The following ASIC2 variants were observed in gnomAD, a reference collection of about 807,000 sequenced individuals.
ASIC2 encodes acid sensing ion channel subunit 2, also known as acid-sensing ion channel 2.
A neutral mutation model predicts 57.3 loss-of-function variants in ASIC2; 25 were observed. That is an observed-to-expected ratio of 0.44 (90% CI 0.32 to 0.61). The LOEUF (loss-of-function observed/expected upper bound fraction) is 0.61, where lower values mean the gene tolerates loss of function less well. ASIC2 is among the 20% of genes least tolerant of loss of function. The pLI, the probability that ASIC2 is intolerant of heterozygous loss-of-function variation, is 0.06. For missense variants in ASIC2, 641 were observed against 738.1 expected (o/e 0.87, Z 1.52); for synonymous variants, 319 against 307.5 (o/e 1.04, Z -0.39).
chr17:34,006,156 A>G (rs1412437304), intron 1 of ASIC2: 2 of 152,282 alleles, frequency 1.3e-5, no homozygotes, highest in African/African-American at 4.8e-5. Flanking sequence ...GAAGGGGATT[A>G]CTTAGGATTC....
chr17:33,218,686 C>T (rs1272392047), intron 1 of ASIC2, among the ~76,000 whole-genome samples: 1 of 152,146 alleles, frequency 6.6e-6, no homozygotes, highest in African/African-American at 2.4e-5. Flanking sequence ...CAGCAGCATG[C>T]CTCACACACA....
intron 1 of ASIC2, among the ~76,000 whole-genome samples, chr17:33,982,756 A>G (rs1399999112): frequency 6.6e-6 from 1 of 152,236 alleles, no homozygotes; most frequent in Non-Finnish European, 1.5e-5. Flanking sequence ...AGTGAAAATC[A>G]GACATACTCG....
At chr17:33,946,280 T>G (rs929394313) in intron 1 of ASIC2, among the ~76,000 whole-genome samples, 2 of 152,014 alleles carry the variant, frequency 1.3e-5, no homozygotes, top group Non-Finnish European at 2.9e-5. Context: ...CTTGTCATCT[T>G]ACCATGGGTG....
intron 1 of ASIC2, among the ~76,000 whole-genome samples, chr17:33,334,783 T>C (rs928647646): frequency 6.6e-6 from 1 of 152,212 alleles, no homozygotes; most frequent in Non-Finnish European, 1.5e-5. Context: ...AAGGGTCCTG[T>C]GTATTCCACA....
intron 1 of ASIC2, among the ~76,000 whole-genome samples, chr17:33,887,251 T>C (rs901994613): frequency 5.9e-5 from 9 of 152,194 alleles, no homozygotes; most frequent in African/African-American, 2.2e-4. Flanking sequence ...TACTGCTACG[T>C]ACCAGAACAG....
intron 1 of ASIC2, among the ~76,000 whole-genome samples, chr17:33,953,840 T>C (rs1871720135): frequency 3.3e-5 from 5 of 152,028 alleles, no homozygotes; most frequent in Admixed American, 3.3e-4. Flanking sequence ...AATAAGTATA[T>C]TAAGAGGAAG....
At position 33,657,198 on chromosome 17, in the gene ASIC2, A is replaced by C. The variant is rs75718796; in HGVS notation, c.555+498780T>G. 1.2e-4 allele frequency among the ~76,000 whole-genome samples: 19 copies of C among 152,298 alleles called. No individual in the cohort carries two copies. The East Asian group carries it at 2.5e-3, about 20-fold the overall frequency. On this transcript the variant is annotated intron_variant, in intron 1 of 9. Transcript: ENST00000359872. ...TGCTGGGAATCCCTACTGGGCACAC[A>C]CAACCCAGTCTACAAGATAGAGTGG...
At chr17:33,560,798 ACG>A (rs1916049363) in intron 1 of ASIC2, among the ~76,000 whole-genome samples, 1 of 152,136 alleles carries the variant, frequency 6.6e-6, no homozygotes, top group South Asian at 2.1e-4. Flanking sequence ...ATAACTCCAT[ACG>A]TTAGGATCTA....
intron 1 of ASIC2, among the ~76,000 whole-genome samples, chr17:33,589,311 G>A (rs1354256858): frequency 6.6e-6 from 1 of 152,164 alleles, no homozygotes; most frequent in Admixed American, 6.5e-5. Context: ...AGAAGGCCAT[G>A]AGCCCCCTGA....
At chr17:33,501,773 A>C (rs58531174) in intron 1 of ASIC2, among the ~76,000 whole-genome samples, 11 of 152,106 alleles carry the variant, frequency 7.2e-5, no homozygotes, top group Non-Finnish European at 1.5e-4. Flanking sequence ...CTTCCTTTTC[A>C]TAAAAGGCCA....
intron 1 of ASIC2, among the ~76,000 whole-genome samples, chr17:33,204,312 G>C (rs541679772): frequency 1.2e-4 from 19 of 152,180 alleles, no homozygotes; most frequent in African/African-American, 7.2e-5. Flanking sequence ...TTACCTGCAG[G>C]CTCAGCCCAT....
rs956752445 is a variant in ASIC2 at position 33,605,611 on chromosome 17, TA to T, written c.556-493545del. Among the ~76,000 whole-genome samples the T allele has an allele frequency of 7.8e-4, 119 of 152,188 alleles. 1 individual carries two copies. The highest frequency in any genetic ancestry group is 2.5e-3 in the African/African-American group (105 of 41,480). ...TTCCATGTGTTGAAAGCTACCTTTT[TA>T]AAAAAAGAAATATGAAATTATGGGG... On this transcript the variant is annotated intron_variant, in intron 1 of 9. Coordinates refer to the ASIC2 transcript ENST00000359872.
In ASIC2 at chr17:33,443,932, C is replaced by A. The variant is rs1277227152; in HGVS notation, c.556-331865G>T. ...TATTTTAGCCTAGCTTTCTGGGAGCCACTCCCATTCCTACCCAGCACTTGC... is the reference window on the plus strand; with the variant it reads ...TATTTTAGCCTAGCTTTCTGGGAGCAACTCCCATTCCTACCCAGCACTTGC... On this transcript the variant is annotated intron_variant, in intron 1 of 9. Coordinates refer to the ASIC2 transcript ENST00000359872. Among the ~76,000 whole-genome samples, 5 of 152,104 alleles carry A rather than the reference C, an allele frequency of 3.3e-5. No individual in the cohort carries two copies. The East Asian group carries it at 9.6e-4, about 29-fold the overall frequency.
intron 1 of ASIC2, among the ~76,000 whole-genome samples, chr17:34,063,791 T>C (rs919270073): frequency 1.3e-5 from 2 of 151,772 alleles, no homozygotes; most frequent in Non-Finnish European, 2.9e-5. Flanking sequence ...AATAAATAAA[T>C]AAAAGACTTA....
intron 1 of ASIC2, among the ~76,000 whole-genome samples, chr17:33,703,572 C>T (rs1393228452): frequency 6.6e-6 from 1 of 152,110 alleles, no homozygotes; most frequent in African/African-American, 2.4e-5. Context: ...AGGCTGCTCT[C>T]AAACTCCTGA....
intron 1 of ASIC2, among the ~76,000 whole-genome samples, chr17:33,382,445 C>A (rs1909522600): frequency 6.6e-6 from 1 of 152,164 alleles, no homozygotes; most frequent in Non-Finnish European, 1.5e-5. Flanking sequence ...AAATGGCCTT[C>A]TTCACAGCAG....
intron 1 of ASIC2, chr17:33,828,280 A>G (rs1400422061): frequency 2.6e-5 from 4 of 152,316 alleles, no homozygotes; most frequent in African/African-American, 9.6e-5. Flanking sequence ...CTTCATTTAC[A>G]TATAGTGCTC....
At chr17:34,112,153 G>A (rs148748125) in intron 1 of ASIC2, among the ~76,000 whole-genome samples, 9 of 152,118 alleles carry the variant, frequency 5.9e-5, no homozygotes, top group Non-Finnish European at 1.2e-4. Context: ...GAATAGAAGA[G>A]ACCAAAATCT....
rs141944835 is a variant in ASIC2 at position 33,794,499 on chromosome 17, T to C, written c.555+361479A>G. On this transcript the variant is annotated intron_variant, in intron 1 of 9. Coordinates refer to the ASIC2 transcript ENST00000359872. ...TGGATGAATTGTGGGTCAGGGGTGA[T>C]GCACATCTCATTTCAAACACTGTAG... The C allele has an allele frequency of 9.2e-5, 14 of 152,362 alleles. No individual in the cohort carries two copies. The East Asian group carries it at 2.5e-3, about 27-fold the overall frequency. The allele number at this position is 152,362 out of a possible 1,614,324, so 9.4% of individuals were successfully genotyped here.
Sources: allele counts gnomAD v4.1 joint callset (sites outside exome capture counted in the v4.1 genomes callset), GRCh38; gene constraint gnomAD v4.1.1; transcripts MANE v1.5; gene names NCBI Gene and HGNC (gene_info 2026-07-23, HGNC 2026-07-21).